The following ST3GAL1 variants were observed in gnomAD, a reference collection of about 807,000 sequenced individuals.
ST3GAL1 encodes CMP-N-acetylneuraminate-beta-galactosamide-alpha-2,3-sialyltransferase 1.
ST3GAL1 carries 16 observed loss-of-function variants against 34.1 expected under a neutral mutation model. That is an observed-to-expected ratio of 0.47 (90% CI 0.32 to 0.71). ST3GAL1 has a LOEUF of 0.71. Ranked by LOEUF, ST3GAL1 falls within the 30% of genes least tolerant of loss-of-function variation. The pLI, the probability that ST3GAL1 is intolerant of heterozygous loss-of-function variation, is 0.04. For synonymous variants in ST3GAL1, 191 were observed against 184.7 expected (o/e 1.03, Z -0.28); for missense variants, 353 against 447.4 (o/e 0.79, Z 1.90).
intron 1 of ST3GAL1, among the ~76,000 whole-genome samples, chr8:133,550,792 G>A (rs1221476906): frequency 3.3e-5 from 5 of 152,064 alleles, no homozygotes; most frequent in Non-Finnish European, 5.9e-5. Context: ...ATTATTTCTT[G>A]GCCCATATTC....
chr8:133,462,224 G>T lies in ST3GAL1; in HGVS notation c.730-230C>A, dbSNP rs574500228. On this transcript the variant is annotated intron_variant, in intron 8 of 9. Transcript: ENST00000522652. The stretch of plus-strand genomic sequence containing the variant: ...CTATGGAGAGCAATGATGCAGAGGA[G>T]GGCCCTACAGGACCGTGTGAGGAGG... Among the ~76,000 whole-genome samples the T allele has an allele frequency of 1.8e-4, 27 of 152,264 alleles. No homozygotes were observed. In the South Asian group the frequency reaches 5.6e-3, roughly 32 times the overall value.
chr8:133,512,429 C>T (rs1025593096), intron 2 of ST3GAL1, among the ~76,000 whole-genome samples: 8 of 152,328 alleles, frequency 5.3e-5, no homozygotes, highest in Non-Finnish European at 1.2e-4. Context: ...TTAGATGGTG[C>T]CCATTCAGAT....
At chr8:133,497,889 G>A (rs1327731395) in intron 3 of ST3GAL1, among the ~76,000 whole-genome samples, 4 of 152,146 alleles carry the variant, frequency 2.6e-5, no homozygotes, top group Non-Finnish European at 4.4e-5. Flanking sequence ...GGGTATGGGA[G>A]CAAACACCCA....
At chr8:133,518,720 C>T (rs1371586950) in intron 2 of ST3GAL1, among the ~76,000 whole-genome samples, 1 of 152,196 alleles carries the variant, frequency 6.6e-6, no homozygotes, top group African/African-American at 2.4e-5. Flanking sequence ...CCAAAAGCTA[C>T]ATTTGCTCAG....
intron 3 of ST3GAL1, among the ~76,000 whole-genome samples, chr8:133,490,775 G>A (rs1586612304): frequency 6.6e-6 from 1 of 152,230 alleles, no homozygotes; most frequent in East Asian, 1.9e-4. Context: ...GGGGAGCCCG[G>A]CTGGCTTGTG....
In ST3GAL1 at chr8:133,503,007, C is replaced by G. The variant is rs569932675; in HGVS notation, c.-428-3818G>C. 2.0e-5 allele frequency among the ~76,000 whole-genome samples: 3 copies of G among 152,318 alleles called. No homozygotes were observed. In the East Asian group the frequency reaches 5.8e-4, roughly 29 times the overall value. Reference sequence around the variant, plus strand: ...CTGAAATCTGACTAAGTAGTTCTTTCAGTTCTGGTTAGAGGACAGCATGTC... The same window carrying G: ...CTGAAATCTGACTAAGTAGTTCTTTGAGTTCTGGTTAGAGGACAGCATGTC... On this transcript the variant is annotated intron_variant, in intron 2 of 9. Coordinates refer to ENST00000522652, the MANE Select transcript of ST3GAL1 (RefSeq NM_173344.3).
rs199910477 is a variant in ST3GAL1, at chr8:133,471,525, T to C, written c.306+4194A>G. Among the ~76,000 whole-genome samples the C allele has an allele frequency of 4.6e-5, 7 of 152,324 alleles. No homozygotes were observed. In the East Asian group the frequency reaches 1.4e-3, roughly 29 times the overall value. On this transcript the variant is annotated intron_variant, in intron 5 of 9. Coordinates refer to ENST00000522652, the MANE Select transcript of ST3GAL1 (RefSeq NM_173344.3). ...TGGTTCTATGAGAAAGGTGATCTTA[T>C]AGACCTATTTTACAGGTGAGGAAAC...
At chr8:133,560,185 A>C (rs974039506) in intron 1 of ST3GAL1, among the ~76,000 whole-genome samples, 5 of 152,136 alleles carry the variant, frequency 3.3e-5, no homozygotes, top group African/African-American at 1.2e-4. Flanking sequence ...CCCTGATTTG[A>C]TCACTCTACA....
At chr8:133,474,394 A>T (rs1225897231) in intron 5 of ST3GAL1, among the ~76,000 whole-genome samples, 1 of 152,204 alleles carries the variant, frequency 6.6e-6, no homozygotes, top group Non-Finnish European at 1.5e-5. Context: ...GGCATATAGT[A>T]GGTGCTCAAT....
At chr8:133,535,855 C>T (rs1316979429) in intron 2 of ST3GAL1, among the ~76,000 whole-genome samples, 2 of 152,208 alleles carry the variant, frequency 1.3e-5, no homozygotes, top group African/African-American at 4.8e-5. Context: ...CTACTGCACA[C>T]TTCATAGACT....
At chr8:133,540,748 T>TATATATATATAGAC (rs1563733855) in intron 2 of ST3GAL1, among the ~76,000 whole-genome samples, 5,260 of 55,512 alleles carry the variant, frequency 0.095, 612 homozygotes, top group African/African-American at 0.16. Context: ...TATATAGACA[T>TATATATATATAGAC]ATATATATAT....
At chr8:133,564,493 C>A (rs192422697) in intron 1 of ST3GAL1, among the ~76,000 whole-genome samples, 1 of 146,354 alleles carries the variant, frequency 6.8e-6, no homozygotes, top group Admixed American at 7.1e-5. Context: ...TCTCCTTTGG[C>A]ACTTTCATGT....
At chr8:133,542,116 C>T (rs547594845) in intron 2 of ST3GAL1, among the ~76,000 whole-genome samples, 21 of 152,042 alleles carry the variant, frequency 1.4e-4, no homozygotes, top group South Asian at 6.2e-4. Flanking sequence ...CACACACCCA[C>T]GCACACACAG....
intron 3 of ST3GAL1, among the ~76,000 whole-genome samples, chr8:133,479,790 C>G (rs771512428): frequency 1.1e-4 from 17 of 152,194 alleles, no homozygotes; most frequent in Non-Finnish European, 2.4e-4. Context: ...GGCCAGGGCA[C>G]TCCCCATAAC....
intron 8 of ST3GAL1, among the ~76,000 whole-genome samples, chr8:133,462,961 C>T (rs1055642810): frequency 6.6e-6 from 1 of 152,248 alleles, no homozygotes; most frequent in Non-Finnish European, 1.5e-5. Context: ...ACCTCACTTC[C>T]CTCCTTCTTC....
intron 5 of ST3GAL1, among the ~76,000 whole-genome samples, chr8:133,468,704 T>A (rs1815836587): frequency 6.6e-6 from 1 of 152,174 alleles, no homozygotes; most frequent in African/African-American, 2.4e-5. Context: ...TCATCCAGGG[T>A]GGCTCCATGA....
intron 3 of ST3GAL1, among the ~76,000 whole-genome samples, chr8:133,489,885 A>G (rs926566962): frequency 6.6e-6 from 1 of 151,940 alleles, no homozygotes; most frequent in African/African-American, 2.4e-5. Context: ...TTAAATATCA[A>G]AGAATCCTCA....
intron 1 of ST3GAL1, among the ~76,000 whole-genome samples, chr8:133,555,311 C>T (rs964718903): frequency 2.6e-5 from 4 of 152,134 alleles, no homozygotes; most frequent in Non-Finnish European, 5.9e-5. Flanking sequence ...CTCCCCCTGC[C>T]GTTGTCATCC....
chr8:133,490,740 C>T (rs147715332), intron 3 of ST3GAL1, among the ~76,000 whole-genome samples: 9 of 152,284 alleles, frequency 5.9e-5, no homozygotes, highest in African/African-American at 1.7e-4. Context: ...TCCTGAGGAA[C>T]GTGGACTTGG....
Sources: allele counts gnomAD v4.1 joint callset (sites outside exome capture counted in the v4.1 genomes callset), GRCh38; gene constraint gnomAD v4.1.1; transcripts MANE v1.5; gene names NCBI Gene and HGNC (gene_info 2026-07-23, HGNC 2026-07-21).